Variants in PPP1R3B observed in about 807,000 individuals in gnomAD.
The protein encoded by PPP1R3B is PP1 subunit R4.
In PPP1R3B, 8 loss-of-function variants were observed where a neutral mutation model predicts 14.6. The observed-to-expected ratio is 0.55, with a 90% CI of 0.32 to 0.99. The LOEUF (loss-of-function observed/expected upper bound fraction) is 0.99, where lower values mean the gene tolerates loss of function less well. Ranked by LOEUF, PPP1R3B falls within the 50% of genes least tolerant of loss-of-function variation. The pLI, the probability that PPP1R3B is intolerant of heterozygous loss-of-function variation, is 0.04. For synonymous variants in PPP1R3B, 169 were observed against 142.0 expected, an observed-to-expected ratio of 1.19 and a Z score of -1.35; for missense variants, 452 against 360.1, an observed-to-expected ratio of 1.26 and a Z score of -2.07.
intron 1 of PPP1R3B, among the ~76,000 whole-genome samples, chr8:9,148,224 C>T (rs1465632728): frequency 6.6e-6 from 1 of 152,164 alleles, no homozygotes; most frequent in Non-Finnish European, 1.5e-5. Context: ...GAAAAGAAGG[C>T]ACCTGGACAG....
At position 9,140,288 on chromosome 8, in the gene PPP1R3B, C is replaced by G. The variant is rs330922; in HGVS notation, c.*506G>C. The stretch of plus-strand genomic sequence containing the variant: ...CAGCTGCACTGGAAATGTGCGTCAG[C>G]TCAGTGTGTCACAGCAGAGATACAC... On this transcript the variant is annotated 3_prime_UTR_variant, in exon 2 of 2. Transcript: ENST00000310455. 44,378 of 165,342 alleles carry G rather than the reference C, an allele frequency of 0.27. 7,287 individuals are homozygous for G. Among genetic ancestry groups the G allele is most frequent in the East Asian group, 0.67 (4,021 of 5,994 alleles). 10.2% of individuals were successfully genotyped at this position (165,342 alleles called of 1,614,324 possible).
intron 1 of PPP1R3B, among the ~76,000 whole-genome samples, chr8:9,147,872 C>G (rs1801287926): frequency 6.6e-6 from 1 of 152,082 alleles, no homozygotes; most frequent in South Asian, 2.1e-4. Context: ...TATGATGGCT[C>G]AAGAGTTACC....
In PPP1R3B at chr8:9,140,681, G is replaced by T. The variant is rs1355922587; in HGVS notation, c.*113C>A. ...AGAGGATCCTTTTATTTTCCCAAACGGGGCCTCATGGAAGTTCCACGTTGC... is the reference window on the plus strand; with the variant it reads ...AGAGGATCCTTTTATTTTCCCAAACTGGGCCTCATGGAAGTTCCACGTTGC... On this transcript the variant is annotated 3_prime_UTR_variant, in exon 2 of 2. Transcript: ENST00000310455. The T allele has an allele frequency of 2.7e-6, 3 of 1,097,932 alleles. No homozygotes were observed. Among genetic ancestry groups the T allele is most frequent in the Non-Finnish European group, 3.9e-6 (3 of 767,758 alleles). The allele number at this position is 1,097,932 out of a possible 1,614,324, so 68.0% of individuals were successfully genotyped here. A position where few individuals can be genotyped will look rare whatever the true frequency, so the allele number is the denominator to read the frequency against.
At chr8:9,151,325 C>G (rs1236297681), upstream of PPP1R3B, 1 of 153,614 alleles carries the variant, frequency 6.5e-6, no homozygotes, top group Admixed American at 6.5e-5. Flanking sequence ...CCCTCGGACT[C>G]GAGACTTGGG....
At chr8:9,144,133 G>T (rs1253579150) in intron 1 of PPP1R3B, among the ~76,000 whole-genome samples, 3 of 148,356 alleles carry the variant, frequency 2.0e-5, no homozygotes, top group Non-Finnish European at 4.5e-5. Flanking sequence ...AACAATGTCT[G>T]TTTTTTATTT....
Position 9,137,441 on chromosome 8 carries a change from C to G in PPP1R3B, c.*3353G>C, listed in dbSNP as rs1487498680. ...GGCCACTTGTAACCATAACCAAGAG[C>G]TGTCTGAAGGCAAATCTACAAGTCA... is the stretch of plus-strand genomic sequence containing the variant. On this transcript the variant is annotated 3_prime_UTR_variant, in exon 2 of 2. Coordinates refer to ENST00000310455, the MANE Select transcript of PPP1R3B (RefSeq NM_024607.4). The G allele has an allele frequency of 6.6e-6, 1 of 152,196 alleles. No homozygotes were observed. Among genetic ancestry groups the G allele is most frequent in the Non-Finnish European group, 1.5e-5 (1 of 68,054 alleles). The allele number at this position is 152,196 out of a possible 1,614,324, so 9.4% of individuals were successfully genotyped here. A position where few individuals can be genotyped will look rare whatever the true frequency, so the allele number is the denominator to read the frequency against.
At chr8:9,146,772 G>A (rs538202149) in intron 1 of PPP1R3B, among the ~76,000 whole-genome samples, 4 of 152,020 alleles carry the variant, frequency 2.6e-5, no homozygotes, top group South Asian at 4.2e-4. Context: ...TTATAGCCAC[G>A]TAACTGTTCT....
intron 1 of PPP1R3B, among the ~76,000 whole-genome samples, chr8:9,147,173 A>C (rs995455125): frequency 2.6e-5 from 4 of 151,834 alleles, no homozygotes; most frequent in African/African-American, 9.7e-5. Context: ...CCCCCAGCTA[A>C]TTTTTGTATT....
At position 9,136,669 on chromosome 8, in the gene PPP1R3B, A is replaced by G. The variant is rs1272024221; in HGVS notation, c.*4125T>C. 1 of 152,262 alleles carries G rather than the reference A, an allele frequency of 6.6e-6. No homozygotes were observed. The highest frequency in any genetic ancestry group is 1.5e-5 in the Non-Finnish European group (1 of 68,054). The allele number at this position is 152,262 out of a possible 1,614,324, so 9.4% of individuals were successfully genotyped here. A position where few individuals can be genotyped will look rare whatever the true frequency, so the allele number is the denominator to read the frequency against. ...CACATGTGTTGTCTCACTGCAGGAA[A>G]TTAAGATAAGCTGCCAAATTGTCTT... On this transcript the variant is annotated 3_prime_UTR_variant, in exon 2 of 2. Transcript: ENST00000310455.
rs1012745559 is a variant in PPP1R3B at position 9,139,311 on chromosome 8, T to C, written c.*1483A>G. ...TCTGAAATTTCAGAGTTGGCAAACG[T>C]TTAAAATAACGTATAAGAACTTGGG... is the stretch of plus-strand genomic sequence containing the variant. On this transcript the variant is annotated 3_prime_UTR_variant, in exon 2 of 2. Transcript: ENST00000310455. The C allele has an allele frequency of 1.6e-4, 25 of 152,128 alleles. No individual in the cohort carries two copies. The highest frequency in any genetic ancestry group is 5.8e-4 in the African/African-American group (24 of 41,424). 9.4% of individuals were successfully genotyped at this position (152,128 alleles called of 1,614,324 possible).
At chr8:9,145,384 C>T (rs1801211042) in intron 1 of PPP1R3B, 1 of 152,278 alleles carries the variant, frequency 6.6e-6, no homozygotes, top group Non-Finnish European at 1.5e-5. Context: ...TGATGACCCG[C>T]ATCCACTTAA....
intron 1 of PPP1R3B, among the ~76,000 whole-genome samples, chr8:9,150,249 A>G (rs1236152083): frequency 6.6e-6 from 1 of 152,124 alleles, no homozygotes; most frequent in Non-Finnish European, 1.5e-5. Flanking sequence ...CACAGGTTCC[A>G]ACACCTTCCA....
chr8:9,138,372 C>T lies in PPP1R3B; in HGVS notation c.*2422G>A, dbSNP rs1800962059. ...GAGTGTTACCCACCTGGGAGAGGTACAAAAAACAAAGCATTAGATTTCAGG... is the reference window on the plus strand; with the variant it reads ...GAGTGTTACCCACCTGGGAGAGGTATAAAAAACAAAGCATTAGATTTCAGG... On this transcript the variant is annotated 3_prime_UTR_variant, in exon 2 of 2. Transcript: ENST00000310455. 1 of 151,966 alleles carries T rather than the reference C, an allele frequency of 6.6e-6. No individual in the cohort carries two copies. The highest frequency in any genetic ancestry group is 6.6e-5 in the Admixed American group (1 of 15,256). The allele number at this position is 151,966 out of a possible 1,614,324, so 9.4% of individuals were successfully genotyped here.
chr8:9,141,835 C>A, intron 1 of PPP1R3B, 167 bp from the exon 2 acceptor site: 1 of 431,180 alleles, frequency 2.3e-6, no homozygotes, highest in South Asian at 5.0e-5. Context: ...GCACAACATG[C>A]GTTTGAGAGA....
At chr8:9,144,215 T>C (rs1327113666) in intron 1 of PPP1R3B, among the ~76,000 whole-genome samples, 1 of 149,244 alleles carries the variant, frequency 6.7e-6, no homozygotes, top group East Asian at 2.0e-4. Context: ...TGAGACTGGG[T>C]CTTACTCTGT....
rs760869337 is a variant in PPP1R3B at position 9,141,055 on chromosome 8, G to C, written c.597C>G (p.Pro199=). Residue 199 remains proline, a synonymous_variant, in exon 2 of 2, where the codon CCC becomes CCG. Coordinates refer to ENST00000310455, the MANE Select transcript of PPP1R3B (RefSeq NM_024607.4). ...TTCTTTCATAAGACTGAATCTTCTC[G>C]GGCAAGCTGATGTCGAAGGAGAACG... The part of the protein sequence containing the change: ...RDTFSFDISL[P]EKIQSYERME... 3 of 1,614,102 alleles carry C rather than the reference G, an allele frequency of 1.9e-6. No individual in the cohort carries two copies. The highest frequency in any genetic ancestry group is 2.5e-6 in the Non-Finnish European group (3 of 1,180,028).
At position 9,141,550 on chromosome 8, in the gene PPP1R3B, C is replaced by T. The variant is rs1801090357; in HGVS notation, c.102G>A (p.Leu34=). 3 of 1,614,160 alleles carry T rather than the reference C, an allele frequency of 1.9e-6. No individual in the cohort carries two copies. The highest frequency in any genetic ancestry group is 2.5e-6 in the Non-Finnish European group (3 of 1,180,044). ...FKISPKPSKP[L]RPCIQLSSKN... ...TGCTGCTCAGCTGAATACAAGGCCT[C>T]AGTGGTTTGCTGGGCTTTGGTGAGA... is the stretch of plus-strand genomic sequence containing the variant. The change falls in exon 2 of 2, where the codon CTG becomes CTA. Residue 34 remains leucine (L), a synonymous_variant. Coordinates refer to ENST00000310455, the MANE Select transcript of PPP1R3B (RefSeq NM_024607.4).
chr8:9,145,600 T>G (rs1409461769), intron 1 of PPP1R3B, among the ~76,000 whole-genome samples: 1 of 152,194 alleles, frequency 6.6e-6, no homozygotes, highest in Non-Finnish European at 1.5e-5. Context: ...ATGTGGATTT[T>G]TGACTGTGTG....
At chr8:9,150,421 G>GGT (rs1286187200) in intron 1 of PPP1R3B, 142 bp downstream of exon 1, 1 of 152,660 alleles carries the variant, frequency 6.6e-6, no homozygotes, top group Non-Finnish European at 1.5e-5. Context: ...ATTCCAAAGA[G>GGT]ACGCAGGAGC....
Sources: allele counts gnomAD v4.1 joint callset (sites outside exome capture counted in the v4.1 genomes callset), GRCh38; gene constraint gnomAD v4.1.1; transcripts MANE v1.5; gene names NCBI Gene and HGNC (gene_info 2026-07-23, HGNC 2026-07-21).